Variants in KAT6A observed in about 807,000 individuals in gnomAD.
KAT6A encodes histone acetyltransferase KAT6A.
Under a neutral mutation model 198.4 loss-of-function variants are expected in KAT6A, and 9 were observed. The observed-to-expected ratio is 0.05, with a 90% CI of 0.03 to 0.08. KAT6A has a LOEUF of 0.08. Ranked by LOEUF, KAT6A falls within the 10% of genes least tolerant of loss-of-function variation. The pLI is 1.00. For synonymous variants in KAT6A, 890 were observed against 883.0 expected, an observed-to-expected ratio of 1.01 and a Z score of -0.14; for missense variants, 2,077 against 2,509.9, an observed-to-expected ratio of 0.83 and a Z score of 3.69.
intron 15 of KAT6A, 54 bp downstream of exon 15, chr8:41,940,788 G>C (rs960598832): frequency 2.0e-5 from 31 of 1,558,410 alleles, no homozygotes; most frequent in Admixed American, 5.5e-5. Flanking sequence ...AAACGAGAAG[G>C]TGTAAGATAA....
At chr8:41,988,939 C>T (rs1824767626) in intron 2 of KAT6A, among the ~76,000 whole-genome samples, 1 of 152,028 alleles carries the variant, frequency 6.6e-6, no homozygotes, top group South Asian at 2.1e-4. Context: ...GCTTGCTTCC[C>T]CAAGGACAAA....
At chr8:41,974,197 C>T (rs183333803) in intron 8 of KAT6A, among the ~76,000 whole-genome samples, 8 of 152,176 alleles carry the variant, frequency 5.3e-5, no homozygotes, top group Admixed American at 5.2e-4. Flanking sequence ...CCTGCCTCAG[C>T]CTCCTAAATA....
chr8:41,971,087 G>T (rs553297333), intron 8 of KAT6A, among the ~76,000 whole-genome samples: 2 of 152,038 alleles, frequency 1.3e-5, no homozygotes, highest in African/African-American at 2.4e-5. Flanking sequence ...GTGGGAGGAG[G>T]GGGGAGGGAT....
chr8:41,937,230 C>T (rs1821893193), intron 16 of KAT6A, 26 bp downstream of exon 16: 2 of 1,571,172 alleles, frequency 1.3e-6, no homozygotes, highest in Non-Finnish European at 1.7e-6. Flanking sequence ...CAATAAACCA[C>T]AGTAAGTGAG....
In KAT6A at chr8:41,981,699, T is replaced by C. The variant is rs962447727; in HGVS notation, c.825+140A>G. 5.3e-5 allele frequency: 32 copies of C among 608,596 alleles called. 1 individual carries two copies. In the Admixed American group the frequency reaches 8.3e-4, roughly 16 times the overall value. The allele number at this position is 608,596 out of a possible 1,614,324, so 37.7% of individuals were successfully genotyped here. On this transcript the variant is annotated intron_variant, in intron 4 of 16. Coordinates refer to ENST00000265713, the MANE Select transcript of KAT6A (RefSeq NM_006766.5). ...GCAAGCATTCTAAACTAATGACATG[T>C]AGTTTAAAGAGACTACCGGCTATTC...
At chr8:42,042,816 T>C (rs1346056910) in intron 2 of KAT6A, among the ~76,000 whole-genome samples, 1 of 152,222 alleles carries the variant, frequency 6.6e-6, no homozygotes, top group African/African-American at 2.4e-5. Context: ...GAGAATATTT[T>C]TCTGGGCTAG....
chr8:42,029,239 T>G (rs542230602), intron 2 of KAT6A, among the ~76,000 whole-genome samples: 2 of 152,208 alleles, frequency 1.3e-5, no homozygotes, highest in African/African-American at 2.4e-5. Flanking sequence ...ACAGTTTGAC[T>G]ATAATGTGCC....
chr8:42,027,813 A>G (rs556302295), intron 2 of KAT6A, among the ~76,000 whole-genome samples: 3 of 151,460 alleles, frequency 2.0e-5, no homozygotes, highest in African/African-American at 7.3e-5. Flanking sequence ...TCTTTCTACT[A>G]ATTTGAGGAT....
Position 41,933,478 on chromosome 8 carries a change from C to T in KAT6A, c.4742G>A (p.Ser1581Asn), listed in dbSNP as rs1434308787. 3.1e-6 allele frequency: 5 copies of T among 1,613,290 alleles called. No homozygotes were observed. Among genetic ancestry groups the T allele is most frequent in the Non-Finnish European group, 3.4e-6 (4 of 1,179,532 alleles). Reference protein sequence around the residue: ...STMGGSICGNSSSQSSCSYGG... With the variant: ...STMGGSICGNNSSQSSCSYGG... ...GTAGGAGCAGCTGCTCTGGGAAGAG[C>T]TGTTCCCACAGATGCTGCCGCCCAT... The change falls in exon 17 of 17, where the codon AGC (serine) becomes AAC (asparagine). Residue 1581 changes from serine to asparagine, a missense_variant. Around this residue, in one of 13 missense-constraint regions of KAT6A, gnomAD observed 500 missense variants for 577.2 expected, o/e 0.87. Coordinates refer to ENST00000265713, the MANE Select transcript of KAT6A (RefSeq NM_006766.5). This position sits in a 1 kb window ranked among gnomAD's most constrained non-coding sequence, Gnocchi z 6.2.
intron 2 of KAT6A, among the ~76,000 whole-genome samples, chr8:42,005,865 G>GA (rs891383981): frequency 7.3e-5 from 11 of 151,534 alleles, no homozygotes; most frequent in Admixed American, 2.6e-4. Context: ...AACTGCCTTT[G>GA]AAAAAAAGCC....
chr8:41,968,329 C>G (rs1387728670), intron 8 of KAT6A, among the ~76,000 whole-genome samples: 1 of 152,174 alleles, frequency 6.6e-6, no homozygotes, highest in East Asian at 1.9e-4. Flanking sequence ...TGAACAGACA[C>G]TTCTCAAAAG....
chr8:41,955,691 A>T (rs1281249783), intron 8 of KAT6A, among the ~76,000 whole-genome samples: 1 of 152,092 alleles, frequency 6.6e-6, no homozygotes, highest in Non-Finnish European at 1.5e-5. Flanking sequence ...CCTCAATTAA[A>T]CTCACTCTTA....
chr8:41,946,485 T>G, intron 12 of KAT6A, 106 bp downstream of exon 12: 2 of 379,432 alleles, frequency 5.3e-6, no homozygotes, highest in Non-Finnish European at 4.5e-6. Flanking sequence ...TCTTTAAATA[T>G]ATATATATAC....
At chr8:41,976,188 G>C (rs1824041958) in intron 7 of KAT6A, among the ~76,000 whole-genome samples, 1 of 152,178 alleles carries the variant, frequency 6.6e-6, no homozygotes, top group African/African-American at 2.4e-5. Context: ...AGGAAACCAA[G>C]GTCAGGGAAT....
intron 12 of KAT6A, 126 bp downstream of exon 12, chr8:41,946,465 C>A: frequency 3.9e-6 from 2 of 510,738 alleles, no homozygotes; most frequent in Non-Finnish European, 6.8e-6. Flanking sequence ...GCCAACAAAG[C>A]ACCTACAAAT....
rs1056010844 is a variant in KAT6A at position 41,981,138 on chromosome 8, T to C, written c.826-211A>G. Among the ~76,000 whole-genome samples, 4 of 152,184 alleles carry C rather than the reference T, an allele frequency of 2.6e-5. No individual in the cohort carries two copies. The South Asian group carries it at 8.3e-4, about 32-fold the overall frequency. ...TTCGAGACTAGCCTGACCAACATGG[T>C]GAAACCCTGTCCCTACTAAAAATAC... On this transcript the variant is annotated intron_variant, in intron 4 of 16. Coordinates refer to ENST00000265713, the MANE Select transcript of KAT6A (RefSeq NM_006766.5).
chr8:42,035,470 ATCTCTAGATAAC>A (rs1827328523), intron 2 of KAT6A, among the ~76,000 whole-genome samples: 1 of 152,254 alleles, frequency 6.6e-6, no homozygotes, highest in Non-Finnish European at 1.5e-5. Flanking sequence ...CAGGAAAGTT[ATCTCTAGATAAC>A]TCTCTAGAAA....
intron 8 of KAT6A, among the ~76,000 whole-genome samples, chr8:41,963,898 C>T (rs904981403): frequency 2.6e-5 from 4 of 152,110 alleles, no homozygotes; most frequent in Admixed American, 6.6e-5. Flanking sequence ...CGAGAATACA[C>T]GATTTCTCAC....
At chr8:41,948,372 G>A (rs1330776468) in intron 10 of KAT6A, among the ~76,000 whole-genome samples, 1 of 152,074 alleles carries the variant, frequency 6.6e-6, no homozygotes, top group African/African-American at 2.4e-5. Context: ...TACCATGATC[G>A]GGCTTGAACC....
Sources: gnomAD v4.1 joint callset for allele counts (sites outside exome capture counted in the v4.1 genomes callset) on GRCh38, gnomAD v4.1.1 for gene constraint, gnomAD v4.1.1 regional missense constraint, Gnocchi (gnomAD v3.1) non-coding constraint, MANE v1.5 for transcripts, NCBI Gene and HGNC (gene_info 2026-07-23, HGNC 2026-07-21) for gene names.